The following RAF1 variants were observed in gnomAD, a reference collection of about 807,000 sequenced individuals.
RAF1 encodes Raf-1 proto-oncogene, serine/threonine kinase, also known as RAF proto-oncogene serine/threonine-protein kinase.
Under a neutral mutation model 81.1 loss-of-function variants are expected in RAF1, and 27 were observed. The observed-to-expected ratio is 0.33, with a 90% CI of 0.25 to 0.46. The LOEUF is 0.46. Ranked by LOEUF, RAF1 falls within the 20% of genes least tolerant of loss-of-function variation. RAF1 has a pLI of 1.00. For synonymous variants in RAF1, 298 were observed against 294.0 expected (o/e 1.01, Z -0.14); for missense variants, 598 against 826.0 (o/e 0.72, Z 3.38).
intron 11 of RAF1, 65 bp downstream of exon 10, chr3:12,599,626 C>A (rs2058793734): frequency 2.4e-6 from 3 of 1,258,264 alleles, no homozygotes; most frequent in South Asian, 1.2e-5. Context: ...CTCCTGGCCC[C>A]CTGGGCTGAA....
At chr3:12,640,896 A>G (rs1490500939) in intron 1 of RAF1, among the ~76,000 whole-genome samples, 1 of 152,170 alleles carries the variant, frequency 6.6e-6, no homozygotes, top group Non-Finnish European at 1.5e-5. Flanking sequence ...TCATGCTGCT[A>G]TAAAGACACA....
At chr3:12,656,997 C>CA (rs1180454182) in intron 1 of RAF1, among the ~76,000 whole-genome samples, 4 of 117,950 alleles carry the variant, frequency 3.4e-5, no homozygotes, top group African/African-American at 1.1e-4. Flanking sequence ...AACTCCATCT[C>CA]GGGGAAAAAA....
intron 1 of RAF1, among the ~76,000 whole-genome samples, chr3:12,663,355 T>A (rs1450006705): frequency 6.6e-6 from 1 of 152,168 alleles, no homozygotes; most frequent in African/African-American, 2.4e-5. Context: ...CTGGCCAGTT[T>A]CCTCCTCTCT....
At chr3:12,595,819 T>C (rs1381426560) in intron 11 of RAF1, among the ~76,000 whole-genome samples, 1 of 152,112 alleles carries the variant, frequency 6.6e-6, no homozygotes, top group Non-Finnish European at 1.5e-5. Flanking sequence ...AATTACAGCA[T>C]ACTATATATT....
chr3:12,622,694 G>C (rs1372233156), intron 1 of RAF1, among the ~76,000 whole-genome samples: 1 of 152,048 alleles, frequency 6.6e-6, no homozygotes, highest in Non-Finnish European at 1.5e-5. Flanking sequence ...GCTCCATAAG[G>C]GCAGAACCCT....
intron 2 of RAF1, among the ~76,000 whole-genome samples, chr3:12,616,340 C>A (rs947008631): frequency 6.6e-6 from 1 of 152,186 alleles, no homozygotes. Flanking sequence ...TTTGAAGAAG[C>A]ACCAAATGGT....
chr3:12,622,336 C>T (rs11923427), intron 1 of RAF1, among the ~76,000 whole-genome samples: 2 of 152,040 alleles, frequency 1.3e-5, no homozygotes, highest in Non-Finnish European at 2.9e-5. Context: ...CCTGAACAGG[C>T]TTAAAATGCA....
intron 8 of RAF1, 36 bp from the exon 8 acceptor site, chr3:12,600,451 C>T: frequency 3.1e-6 from 5 of 1,612,778 alleles, no homozygotes; most frequent in Non-Finnish European, 3.4e-6. Flanking sequence ...AACTCCTACA[C>T]ACAAAAGATT....
intron 1 of RAF1, among the ~76,000 whole-genome samples, chr3:12,637,869 C>T (rs558877986): frequency 6.6e-6 from 1 of 152,046 alleles, no homozygotes; most frequent in Non-Finnish European, 1.5e-5. Context: ...ACAAAAAACA[C>T]AAATTTGGAC....
intron 8 of RAF1, among the ~76,000 whole-genome samples, chr3:12,602,148 A>T (rs2058880205): frequency 6.6e-6 from 1 of 152,136 alleles, no homozygotes; most frequent in African/African-American, 2.4e-5. Context: ...ATTCTGTGCT[A>T]ATTTCTATAG....
At chr3:12,635,683 A>AATTTATTAG (rs1559469949) in intron 1 of RAF1, among the ~76,000 whole-genome samples, 1 of 145,286 alleles carries the variant, frequency 6.9e-6, no homozygotes, top group Non-Finnish European at 1.5e-5. Context: ...TTACTTTATA[A>AATTTATTAG]ATTTATTAGG....
chr3:12,600,056 G>C lies in RAF1; in HGVS notation c.1050+96C>G. The C allele has an allele frequency of 3.9e-6, 6 of 1,555,000 alleles. No individual in the cohort carries two copies. The South Asian group carries it at 6.7e-5, about 17-fold the overall frequency. ...CTCCTTCATTGAATGTATTTTATTA[G>C]AATCTTCTCCCAAAATAAGTTTAAG... On this transcript the variant is annotated intron_variant, in intron 10 of 17. Coordinates refer to ENST00000442415, the MANE Select transcript of RAF1 (RefSeq NM_001354689.3).
chr3:12,639,741 A>G (rs1282051948), intron 1 of RAF1, among the ~76,000 whole-genome samples: 1 of 152,210 alleles, frequency 6.6e-6, no homozygotes, highest in Non-Finnish European at 1.5e-5. Flanking sequence ...ATGGAAGAAC[A>G]TTCCATGCTC....
intron 1 of RAF1, among the ~76,000 whole-genome samples, chr3:12,640,757 T>C (rs1195902915): frequency 1.3e-5 from 2 of 152,064 alleles, no homozygotes; most frequent in Non-Finnish European, 1.5e-5. Flanking sequence ...ACTTTTACAC[T>C]GTTGGTGGGA....
intron 2 of RAF1, among the ~76,000 whole-genome samples, chr3:12,617,454 A>G (rs539508938): frequency 6.6e-6 from 1 of 151,998 alleles, no homozygotes; most frequent in African/African-American, 2.4e-5. Context: ...GGGGTTTGCC[A>G]CGTTGCCCGA....
chr3:12,643,004 G>A (rs755452258), intron 1 of RAF1, among the ~76,000 whole-genome samples: 1 of 152,004 alleles, frequency 6.6e-6, no homozygotes, highest in Non-Finnish European at 1.5e-5. Context: ...TATGAAGAAA[G>A]AGAAGAACAG....
intron 1 of RAF1, among the ~76,000 whole-genome samples, chr3:12,661,853 T>C (rs1260433004): frequency 6.6e-6 from 1 of 152,030 alleles, no homozygotes; most frequent in Non-Finnish European, 1.5e-5. Flanking sequence ...CATTCACCAC[T>C]GTGTAAGTCA....
intron 1 of RAF1, among the ~76,000 whole-genome samples, chr3:12,626,319 G>C (rs1303887409): frequency 6.6e-6 from 1 of 151,432 alleles, no homozygotes; most frequent in Non-Finnish European, 1.5e-5. Context: ...GGGCACCGTG[G>C]CTCTCACCTG....
chr3:12,654,122 G>A (rs2060614314), intron 1 of RAF1, among the ~76,000 whole-genome samples: 1 of 151,730 alleles, frequency 6.6e-6, no homozygotes, highest in Admixed American at 6.6e-5. Flanking sequence ...CTACCAAGTA[G>A]CTGGGACTAC....
Sources: gnomAD v4.1 joint callset for allele counts (sites outside exome capture counted in the v4.1 genomes callset) on GRCh38, gnomAD v4.1.1 for gene constraint, MANE v1.5 for transcripts, NCBI Gene and HGNC (gene_info 2026-07-23, HGNC 2026-07-21) for gene names.